Variants in BICC1 observed in about 807,000 individuals in gnomAD.
BICC1 encodes the protein BicC family RNA binding protein 1, also known as protein bicaudal C homolog 1.
A neutral mutation model predicts 111.0 loss-of-function variants in BICC1; 43 were observed. The ratio of observed to expected loss-of-function variants is 0.39; its 90% CI spans 0.30 to 0.50. The LOEUF (loss-of-function observed/expected upper bound fraction) is 0.50, where lower values mean the gene tolerates loss of function less well. BICC1 is among the 20% of genes least tolerant of loss of function. The pLI, the probability that BICC1 is intolerant of heterozygous loss-of-function variation, is 0.88. For synonymous variants in BICC1, 467 were observed against 434.4 expected (o/e 1.07, Z -0.93); for missense variants, 1,091 against 1,203.2 (o/e 0.91, Z 1.38).
In BICC1 at chr10:58,665,289, A is replaced by T. The variant is rs567729379; in HGVS notation, c.238-36785A>T. ...ATTTTAATAGTATCTTGTTCCCTTA[A>T]CATACTTTTGATAACTTCTCTTGTG... is the stretch of plus-strand genomic sequence containing the variant. On this transcript the variant is annotated intron_variant, in intron 2 of 20. Transcript: ENST00000373886. 2.0e-5 allele frequency among the ~76,000 whole-genome samples: 3 copies of T among 152,156 alleles called. No homozygotes were observed. The South Asian group carries it at 6.2e-4, about 32-fold the overall frequency.
intron 2 of BICC1, among the ~76,000 whole-genome samples, chr10:58,627,857 TTAAAA>T (rs537433254): frequency 6.6e-6 from 1 of 152,160 alleles, no homozygotes; most frequent in Non-Finnish European, 1.5e-5. Flanking sequence ...ATTGTAATAA[TTAAAA>T]TAAAATTAAA....
intron 3 of BICC1, among the ~76,000 whole-genome samples, chr10:58,770,726 T>C (rs928111494): frequency 6.6e-6 from 1 of 152,116 alleles, no homozygotes; most frequent in African/African-American, 2.4e-5. Context: ...TGAACACCAG[T>C]TGATATGAGA....
chr10:58,512,226 C>T (rs1034463704), upstream of BICC1, among the ~76,000 whole-genome samples: 1 of 152,138 alleles, frequency 6.6e-6, no homozygotes, highest in African/African-American at 2.4e-5. Flanking sequence ...TCTCGTGCAG[C>T]GGGCCACTTT....
chr10:58,646,560 ACCT>A (rs951479172), intron 2 of BICC1, among the ~76,000 whole-genome samples: 9 of 152,094 alleles, frequency 5.9e-5, no homozygotes, highest in Non-Finnish European at 1.2e-4. Flanking sequence ...TGCATGTATA[ACCT>A]CTTATTACTA....
intron 2 of BICC1, among the ~76,000 whole-genome samples, chr10:58,662,539 AG>A (rs1466257099): frequency 2.6e-5 from 4 of 152,304 alleles, no homozygotes; most frequent in African/African-American, 9.6e-5. Context: ...ATGTTGCGAA[AG>A]CTCTCGAAAG....
intron 1 of BICC1, among the ~76,000 whole-genome samples, chr10:58,601,828 A>T (rs370948885): frequency 1.3e-4 from 20 of 152,112 alleles, no homozygotes; most frequent in South Asian, 1.0e-3. Context: ...TTAAAAAAGG[A>T]TGGATTCAAG....
intron 3 of BICC1, among the ~76,000 whole-genome samples, chr10:58,742,629 C>T (rs186570131): frequency 5.3e-5 from 8 of 151,280 alleles, no homozygotes; most frequent in East Asian, 2.0e-4. Flanking sequence ...GTAGAGATGG[C>T]GTTTCACCAT....
intron 3 of BICC1, among the ~76,000 whole-genome samples, chr10:58,746,102 A>G (rs1841829961): frequency 6.6e-6 from 1 of 152,124 alleles, no homozygotes; most frequent in Non-Finnish European, 1.5e-5. Flanking sequence ...TAGCAATCCA[A>G]ATTGGCCTTC....
chr10:58,526,348 A>G (rs1382688146), intron 1 of BICC1, among the ~76,000 whole-genome samples: 1 of 151,910 alleles, frequency 6.6e-6, no homozygotes, highest in Non-Finnish European at 1.5e-5. Context: ...AGCTGAGTTT[A>G]GGATGACAAA....
intron 20 of BICC1, among the ~76,000 whole-genome samples, chr10:58,828,239 A>G (rs1444137521): frequency 2.6e-5 from 4 of 152,160 alleles, no homozygotes; most frequent in South Asian, 2.1e-4. Context: ...TGCTCCTCCA[A>G]TATCCCTGTG....
intron 2 of BICC1, among the ~76,000 whole-genome samples, chr10:58,669,511 A>T (rs575668751): frequency 6.6e-6 from 1 of 152,098 alleles, no homozygotes; most frequent in African/African-American, 2.4e-5. Context: ...GTAGTTGCTA[A>T]TTTTTGCAAA....
intron 2 of BICC1, among the ~76,000 whole-genome samples, chr10:58,634,803 T>C (rs1417268627): frequency 2.6e-5 from 4 of 152,134 alleles, no homozygotes; most frequent in Non-Finnish European, 5.9e-5. Flanking sequence ...TAACATGCAT[T>C]TTGTATGTTA....
At chr10:58,581,922 C>G (rs933424274) in intron 1 of BICC1, among the ~76,000 whole-genome samples, 1 of 152,022 alleles carries the variant, frequency 6.6e-6, no homozygotes, top group African/African-American at 2.4e-5. Context: ...CCCCATGTTA[C>G]GATAACGGAT....
intron 2 of BICC1, among the ~76,000 whole-genome samples, chr10:58,645,876 C>T (rs1272368469): frequency 6.6e-6 from 1 of 152,184 alleles, no homozygotes; most frequent in Non-Finnish European, 1.5e-5. Flanking sequence ...CCTTTCTGAT[C>T]ACTGAATTTT....
intron 2 of BICC1, among the ~76,000 whole-genome samples, chr10:58,657,653 G>A (rs1254963698): frequency 3.3e-5 from 5 of 152,108 alleles, no homozygotes; most frequent in Non-Finnish European, 4.4e-5. Context: ...GTACAAAGGG[G>A]TATATATAAT....
intron 1 of BICC1, among the ~76,000 whole-genome samples, chr10:58,538,332 C>G (rs560395265): frequency 6.6e-6 from 1 of 151,806 alleles, no homozygotes; most frequent in East Asian, 1.9e-4. Flanking sequence ...TACTTACAAC[C>G]AACTGATCTT....
At chr10:58,515,507 TATATCTAAAC>T (rs1842219487) in intron 1 of BICC1, among the ~76,000 whole-genome samples, 1 of 152,258 alleles carries the variant, frequency 6.6e-6, no homozygotes, top group Non-Finnish European at 1.5e-5. Context: ...TGTATCTAAA[TATATCTAAAC>T]ATTGGAAAGG....
At chr10:58,647,080 AG>A (rs1838292361) in intron 2 of BICC1, among the ~76,000 whole-genome samples, 2 of 152,204 alleles carry the variant, frequency 1.3e-5, no homozygotes, top group Non-Finnish European at 2.9e-5. Flanking sequence ...TTCCTATGGT[AG>A]ATATACCTGC....
intron 3 of BICC1, among the ~76,000 whole-genome samples, chr10:58,704,324 G>T (rs1840328535): frequency 6.6e-6 from 1 of 152,152 alleles, no homozygotes; most frequent in Non-Finnish European, 1.5e-5. Flanking sequence ...CACTTAAAGA[G>T]AACATGGAAG....
Sources: allele counts gnomAD v4.1 joint callset (sites outside exome capture counted in the v4.1 genomes callset), GRCh38; gene constraint gnomAD v4.1.1; transcripts MANE v1.5; gene names NCBI Gene and HGNC (gene_info 2026-07-23, HGNC 2026-07-21).